Variants in AKAP14 observed in about 807,000 individuals in gnomAD.
The protein encoded by AKAP14 is A-kinase anchor protein 14.
Under a neutral mutation model 17.0 loss-of-function variants are expected in AKAP14, and 4 were observed. That is an observed-to-expected ratio of 0.23 (90% CI 0.12 to 0.54). The LOEUF is 0.54. Ranked by LOEUF, AKAP14 falls within the 20% of genes least tolerant of loss-of-function variation. The pLI, the probability that AKAP14 is intolerant of heterozygous loss-of-function variation, is 0.95. For synonymous variants in AKAP14, 42 were observed against 51.3 expected (o/e 0.82, Z 0.77); for missense variants, 129 against 150.9 (o/e 0.85, Z 0.76).
At chrX:119,908,263 G>A (rs1340425687) in intron 4 of AKAP14, among the ~76,000 whole-genome samples, 1 of 100,016 alleles carries the variant, frequency 1.0e-5, no homozygotes, top group Non-Finnish European at 2.0e-5. Context: ...CTCCAGCCTG[G>A]GCAACAGAGT....
intron 2 of AKAP14, 126 bp from the exon 3 acceptor site, chrX:119,903,088 C>T (rs1437211962): frequency 1.5e-6 from 1 of 648,751 alleles, no homozygotes; most frequent in East Asian, 3.6e-5. Context: ...AACCCCTAAT[C>T]CCCTCCCTAG....
intron 4 of AKAP14, among the ~76,000 whole-genome samples, chrX:119,912,016 C>T (rs1003107781): frequency 2.6e-4 from 28 of 108,931 alleles, no homozygotes; most frequent in African/African-American, 9.3e-4. Context: ...CTGCAACCTC[C>T]GCCTCCTGGG....
rs776333581 is a variant in AKAP14 at position 119,897,438 on chromosome X, T to C, written c.-11+1171T>C. ...CCTCCCAAAGTGCTGGGATTATAGGTGTGAGCCACTGCGCCCGGCCCAAAT... is the reference window on the plus strand; with the variant it reads ...CCTCCCAAAGTGCTGGGATTATAGGCGTGAGCCACTGCGCCCGGCCCAAAT... On this transcript the variant is annotated intron_variant, in intron 2 of 6. Coordinates refer to ENST00000371431, the MANE Select transcript of AKAP14 (RefSeq NM_178813.6). Among the ~76,000 whole-genome samples the C allele has an allele frequency of 4.7e-3, 529 of 111,740 alleles. 1 individual carries two copies. The highest frequency in any genetic ancestry group is 8.6e-3 in the African/African-American group (265 of 30,867).
Position 119,914,883 on chromosome X carries a change from GTTC to G in AKAP14, c.441+11_441+13del, listed in dbSNP as rs749902639. 25 of 1,200,956 alleles carry G rather than the reference GTTC, an allele frequency of 2.1e-5. No individual in the cohort carries two copies. Among genetic ancestry groups the G allele is most frequent in the Non-Finnish European group, 2.6e-5 (23 of 888,559 alleles). The stretch of plus-strand genomic sequence containing the variant: ...GTCTCCAAAACCAAACCACCGGTAA[GTTC>G]TTCTTTTTCTCCCTTCAGTGAGGCT... On this transcript the variant is annotated splice_donor_region_variant and intron_variant, in intron 5 of 6. Coordinates refer to ENST00000371431, the MANE Select transcript of AKAP14 (RefSeq NM_178813.6).
chrX:119,911,353 C>CA (rs1401058943), intron 4 of AKAP14, among the ~76,000 whole-genome samples: 100 of 73,999 alleles, frequency 1.4e-3, no homozygotes, highest in African/African-American at 2.0e-3. Context: ...GACTCTGTTT[C>CA]AAAAAAAAAA....
chrX:119,914,419 C>T (rs2056645482), intron 4 of AKAP14, among the ~76,000 whole-genome samples: 2 of 110,328 alleles, frequency 1.8e-5, no homozygotes, highest in Non-Finnish European at 3.8e-5. Context: ...CTCCTGGACT[C>T]GGGCAATCCT....
intron 5 of AKAP14, among the ~76,000 whole-genome samples, chrX:119,915,383 G>A (rs759994219): frequency 1.8e-5 from 2 of 112,141 alleles, no homozygotes; most frequent in South Asian, 7.3e-4. Context: ...CTATCTACTT[G>A]CAGTCTTCAT....
intron 2 of AKAP14, among the ~76,000 whole-genome samples, chrX:119,898,848 G>C (rs895686675): frequency 1.9e-5 from 2 of 105,930 alleles, no homozygotes; most frequent in Non-Finnish European, 3.9e-5. Flanking sequence ...CCCAGAGAGA[G>C]AGTGGGTCAC....
chrX:119,901,826 T>A (rs5957266), intron 2 of AKAP14, among the ~76,000 whole-genome samples: 42,257 of 107,581 alleles, frequency 0.39, 6,673 homozygotes, highest in African/African-American at 0.55. Context: ...CCTGGCCAAC[T>A]TGGAGAAACC....
chrX:119,908,787 C>T (rs2056612100), intron 4 of AKAP14, among the ~76,000 whole-genome samples: 1 of 111,905 alleles, frequency 8.9e-6, no homozygotes, highest in Non-Finnish European at 1.9e-5. Flanking sequence ...ACACTCACTG[C>T]TGATACATAA....
intron 4 of AKAP14, among the ~76,000 whole-genome samples, chrX:119,905,171 G>A (rs965907398): frequency 6.2e-5 from 7 of 112,159 alleles, no homozygotes; most frequent in African/African-American, 2.3e-4. Context: ...TGTTCCCCAG[G>A]CCAGCACCTC....
chrX:119,918,789 T>C (rs771840621), intron 5 of AKAP14, among the ~76,000 whole-genome samples: 21 of 112,126 alleles, frequency 1.9e-4, no homozygotes, highest in Non-Finnish European at 3.8e-4. Context: ...GTACCAAGCA[T>C]AGTGCCTGAA....
At chrX:119,904,146 C>T (rs1226314846) in intron 4 of AKAP14, among the ~76,000 whole-genome samples, 1 of 110,728 alleles carries the variant, frequency 9.0e-6, no homozygotes, top group African/African-American at 3.3e-5. Context: ...CTATGTTGCT[C>T]AGGTTGGCCT....
intron 4 of AKAP14, among the ~76,000 whole-genome samples, chrX:119,904,755 C>T (rs1209749391): frequency 2.7e-5 from 3 of 111,211 alleles, no homozygotes; most frequent in Admixed American, 9.7e-5. Flanking sequence ...TGGTGCTGGG[C>T]GCCTGTAATC....
chrX:119,920,490 GT>G lies in AKAP14; in HGVS notation c.495-13del. ...ATTTAAAAATACTTTAAAAGTGTTT[GT>G]TTTTCTTCCTTTGTAGACCAGGAAT... On this transcript the variant is annotated splice_polypyrimidine_tract_variant and intron_variant, in intron 6 of 6. Transcript: ENST00000371431. 1 of 1,164,587 alleles carries G rather than the reference GT, an allele frequency of 8.6e-7. No individual in the cohort carries two copies. The highest frequency in any genetic ancestry group is 1.2e-6 in the Non-Finnish European group (1 of 858,230).
chrX:119,920,417 TAA>T, intron 6 of AKAP14, 89 bp from the exon 7 acceptor site: 1 of 727,152 alleles, frequency 1.4e-6, no homozygotes, highest in Middle Eastern at 4.5e-4. Context: ...ACTAGGAATA[TAA>T]AAGAGTAAAT....
In AKAP14 at chrX:119,898,794, G is replaced by A. The variant is rs1292471298; in HGVS notation, c.-11+2527G>A. 9.8e-5 allele frequency among the ~76,000 whole-genome samples: 10 copies of A among 101,790 alleles called. No homozygotes were observed. In the East Asian group the frequency reaches 1.3e-3, roughly 13 times the overall value. The allele number at this position is 101,790 out of a possible 115,157, so 88.4% of individuals were successfully genotyped here. A position where few individuals can be genotyped will look rare whatever the true frequency, so the allele number is the denominator to read the frequency against. ...CCTGGGCAATAAGAGTGAAAACTCCGTCTTGAAAAAAAAAAAAAAGAGTTG... is the reference window on the plus strand; with the variant it reads ...CCTGGGCAATAAGAGTGAAAACTCCATCTTGAAAAAAAAAAAAAAGAGTTG... On this transcript the variant is annotated intron_variant, in intron 2 of 6. Coordinates refer to ENST00000371431, the MANE Select transcript of AKAP14 (RefSeq NM_178813.6).
Position 119,920,383 on chromosome X carries a change from G to A in AKAP14, c.495-125G>A, listed in dbSNP as rs754265774. 4.3e-3 allele frequency: 2,095 copies of A among 490,578 alleles called. 11 individuals carry two copies. The highest frequency in any genetic ancestry group is 5.3e-3 in the Non-Finnish European group (1,608 of 305,456). 40.4% of individuals were successfully genotyped at this position (490,578 alleles called of 1,213,427 possible). ...GAACCTTAGCTACCTCCCCTCCCCCGCCAATAAAAGAGGCTTCTTGCTTAC... is the reference window on the plus strand; with the variant it reads ...GAACCTTAGCTACCTCCCCTCCCCCACCAATAAAAGAGGCTTCTTGCTTAC... On this transcript the variant is annotated intron_variant, in intron 6 of 6. Coordinates refer to ENST00000371431, the MANE Select transcript of AKAP14 (RefSeq NM_178813.6).
At chrX:119,917,455 A>C (rs1305971042) in intron 5 of AKAP14, among the ~76,000 whole-genome samples, 2 of 111,750 alleles carry the variant, frequency 1.8e-5, no homozygotes, top group East Asian at 5.6e-4. Context: ...AAAGTACAAA[A>C]TTAGCCAGGC....
Sources: allele counts gnomAD v4.1 joint callset (sites outside exome capture counted in the v4.1 genomes callset), GRCh38; gene constraint gnomAD v4.1.1; transcripts MANE v1.5; gene names NCBI Gene and HGNC (gene_info 2026-07-23, HGNC 2026-07-21).